Variants in WWOX observed in about 807,000 individuals in gnomAD.
WWOX encodes WW domain containing oxidoreductase, also known as WW domain-containing oxidoreductase.
A neutral mutation model predicts 46.2 loss-of-function variants in WWOX; 69 were observed. That is an observed-to-expected ratio of 1.49 (90% CI 1.23 to 1.82). WWOX has a LOEUF of 1.82. Ranked by LOEUF, WWOX falls within the 40% of genes most tolerant of loss-of-function variation. The probability of loss-of-function intolerance (pLI) is 0.00; values close to 1 mark genes in which losing one functional copy is unlikely to be tolerated. For missense variants in WWOX, 919 were observed against 542.6 expected (o/e 1.69, Z -6.89); for synonymous variants, 359 against 202.6 (o/e 1.77, Z -6.56).
chr16:78,431,873 T>G (rs2083225993), intron 7 of WWOX, among the ~76,000 whole-genome samples: 1 of 151,972 alleles, frequency 6.6e-6, no homozygotes. Context: ...TGTGCCAAAA[T>G]ACTCAACTAA....
chr16:78,541,149 A>G (rs933545816), intron 8 of WWOX, among the ~76,000 whole-genome samples: 8 of 152,156 alleles, frequency 5.3e-5, no homozygotes, highest in African/African-American at 1.4e-4. Flanking sequence ...ACAAAATTGC[A>G]CATACTCTAT....
At chr16:78,248,864 CTT>C (rs869134108) in intron 5 of WWOX, among the ~76,000 whole-genome samples, 6,983 of 117,142 alleles carry the variant, frequency 0.06, 137 homozygotes, top group Middle Eastern at 0.1. Context: ...GCCCCCCGGC[CTT>C]TTTTTTTTTT....
intron 8 of WWOX, among the ~76,000 whole-genome samples, chr16:78,761,105 G>A (rs1009214340): frequency 1.3e-5 from 2 of 152,142 alleles, no homozygotes; most frequent in Admixed American, 6.5e-5. Flanking sequence ...ATTTGGGTGG[G>A]GACAGAGCCA....
intron 8 of WWOX, among the ~76,000 whole-genome samples, chr16:78,989,980 C>G (rs530295742): frequency 3.3e-5 from 5 of 151,406 alleles, no homozygotes; most frequent in Non-Finnish European, 7.4e-5. Flanking sequence ...CTCACGAGTT[C>G]GAGGCTAGCC....
intron 8 of WWOX, among the ~76,000 whole-genome samples, chr16:78,618,094 G>T (rs1333963130): frequency 6.6e-6 from 1 of 152,208 alleles, no homozygotes; most frequent in Non-Finnish European, 1.5e-5. Flanking sequence ...GGCCATGACT[G>T]TCCACATTTT....
At chr16:79,025,642 G>C (rs181406715) in intron 8 of WWOX, among the ~76,000 whole-genome samples, 68 of 152,150 alleles carry the variant, frequency 4.5e-4, no homozygotes, top group African/African-American at 1.6e-3. Context: ...TAGACTTCTG[G>C]CCTCCAGAAT....
At chr16:78,272,753 G>A (rs2079504007) in intron 5 of WWOX, among the ~76,000 whole-genome samples, 1 of 151,988 alleles carries the variant, frequency 6.6e-6, no homozygotes, top group East Asian at 1.9e-4. Flanking sequence ...AATGCTAATA[G>A]TAATGATACT....
intron 8 of WWOX, among the ~76,000 whole-genome samples, chr16:78,566,907 A>G (rs185920328): frequency 1.6e-4 from 25 of 152,336 alleles, no homozygotes; most frequent in Non-Finnish European, 1.5e-5. Context: ...CTCTGTGAAT[A>G]GTATTAGTAA....
chr16:78,118,892 A>G (rs1042185995), intron 4 of WWOX: 1 of 152,094 alleles, frequency 6.6e-6, no homozygotes, highest in Non-Finnish European at 1.5e-5. Context: ...GGCAGCTGCA[A>G]GGATTAGAAT....
At chr16:78,833,037 T>C (rs1477995401) in intron 8 of WWOX, among the ~76,000 whole-genome samples, 1 of 40,084 alleles carries the variant, frequency 2.5e-5, no homozygotes. Context: ...TCTCGATCTT[T>C]TTTTTTTTTT....
At chr16:78,259,055 G>A (rs1056280721) in intron 5 of WWOX, among the ~76,000 whole-genome samples, 4 of 152,154 alleles carry the variant, frequency 2.6e-5, no homozygotes, top group African/African-American at 7.2e-5. Context: ...TTAGCACCAC[G>A]TTAATAAAAG....
intron 8 of WWOX, among the ~76,000 whole-genome samples, chr16:78,976,074 A>G (rs2046567090): frequency 6.6e-6 from 1 of 152,176 alleles, no homozygotes; most frequent in Non-Finnish European, 1.5e-5. Flanking sequence ...ACATTAGGGC[A>G]TTGTTATTCC....
At chr16:78,531,412 A>G (rs1370943376) in intron 8 of WWOX, among the ~76,000 whole-genome samples, 1 of 152,210 alleles carries the variant, frequency 6.6e-6, no homozygotes, top group Non-Finnish European at 1.5e-5. Context: ...TGGTTGAAAC[A>G]ATTGGACAGT....
intron 8 of WWOX, among the ~76,000 whole-genome samples, chr16:79,072,212 G>C (rs1452715969): frequency 6.6e-6 from 1 of 152,122 alleles, no homozygotes; most frequent in Admixed American, 6.5e-5. Context: ...CTTGAGCCTA[G>C]GGGGTTGAGG....
chr16:78,104,093 C>T (rs2031978369), intron 1 of WWOX, among the ~76,000 whole-genome samples: 1 of 152,080 alleles, frequency 6.6e-6, no homozygotes, highest in African/African-American at 2.4e-5. Context: ...TCAGAGCCGT[C>T]CTTGTTTGCC....
At chr16:78,200,550 T>A (rs751433349) in intron 5 of WWOX, among the ~76,000 whole-genome samples, 8 of 151,166 alleles carry the variant, frequency 5.3e-5, no homozygotes, top group Non-Finnish European at 1.0e-4. Flanking sequence ...CAAAAATTTT[T>A]AATATCATCA....
At chr16:78,538,743 A>G (rs2043819527) in intron 8 of WWOX, among the ~76,000 whole-genome samples, 1 of 152,160 alleles carries the variant, frequency 6.6e-6, no homozygotes, top group Admixed American at 6.5e-5. Context: ...CCAGCATCTG[A>G]TTTTAAAACC....
intron 8 of WWOX, chr16:78,996,259 A>G (rs1238009230): frequency 2.0e-6 from 2 of 985,100 alleles, no homozygotes; most frequent in Non-Finnish European, 2.4e-6. Context: ...GAGCTGAGCC[A>G]GACCCCTTTT....
intron 5 of WWOX, among the ~76,000 whole-genome samples, chr16:78,316,930 C>T (rs1176795382): frequency 1.3e-5 from 2 of 152,158 alleles, no homozygotes; most frequent in African/African-American, 4.8e-5. Context: ...TTCGTTTTTC[C>T]AACAAACTTT....
Sources: allele counts gnomAD v4.1 joint callset (sites outside exome capture counted in the v4.1 genomes callset), GRCh38; gene constraint gnomAD v4.1.1; transcripts MANE v1.5; gene names NCBI Gene and HGNC (gene_info 2026-07-23, HGNC 2026-07-21).